The following CCDC160 variants were observed in gnomAD, a reference collection of about 807,000 sequenced individuals.
CCDC160 encodes coiled-coil domain containing 160.
For missense variants in CCDC160, 227 were observed against 215.6 expected (o/e 1.05, Z -0.33); for synonymous variants, 94 against 79.4 (o/e 1.18, Z -0.98).
chrX:134,245,590 A>C, exon 2 of CCDC160: 1 of 1,207,459 alleles, frequency 8.3e-7, no homozygotes, highest in Non-Finnish European at 1.1e-6. Flanking sequence ...AGAAGAAATG[A>C]AATCATATTA....
exon 2 of CCDC160, chrX:134,245,694 C>T: frequency 3.3e-6 from 4 of 1,196,578 alleles, no homozygotes; most frequent in Non-Finnish European, 4.5e-6. Context: ...ATAACAGAGC[C>T]TTGGAGTTGC....
At chrX:134,238,367 CTTTTTTTTTTT>C (rs1161935568) in intron 1 of CCDC160, among the ~76,000 whole-genome samples, 21 of 75,535 alleles carry the variant, frequency 2.8e-4, no homozygotes, top group African/African-American at 8.5e-4. Context: ...TATCACTTGT[CTTTTTTTTTTT>C]TTTTTTTTTT....
In CCDC160 at chrX:134,244,650, T is replaced by TA; in HGVS notation, c.-24-126dup. ...CTGAGGCCCAAGCCATTCAGTGAGTTAGAGAGAGAGCCAGCCCTCAAATGT... is the reference window on the plus strand; with the variant it reads ...CTGAGGCCCAAGCCATTCAGTGAGTTAAGAGAGAGAGCCAGCCCTCAAATGT... On this transcript the variant is annotated intron_variant, in intron 1 of 1. Transcript: ENST00000370809. 4.9e-6 allele frequency: 3 copies of TA among 616,360 alleles called. No individual in the cohort carries two copies. The South Asian group carries it at 1.4e-4, about 30-fold the overall frequency. 50.8% of individuals were successfully genotyped at this position (616,360 alleles called of 1,213,427 possible).
At chrX:134,242,102 A>T (rs2077029195) in intron 1 of CCDC160, among the ~76,000 whole-genome samples, 1 of 108,146 alleles carries the variant, frequency 9.2e-6, no homozygotes. Context: ...AAGAGAGAAG[A>T]AAAAAAAAAG....
chrX:134,244,862 A>G (rs200879811), exon 2 of CCDC160: 1 of 1,194,276 alleles, frequency 8.4e-7, no homozygotes, highest in Non-Finnish European at 1.1e-6. Context: ...AGTGCACAAG[A>G]TGTTCTAGAA....
At chrX:134,242,543 G>A (rs2077030424) in intron 1 of CCDC160, among the ~76,000 whole-genome samples, 2 of 108,317 alleles carry the variant, frequency 1.8e-5, no homozygotes. Context: ...GCTCAGGGAA[G>A]AGAGACAGTG....
chrX:134,237,616 G>C (rs2077014228), intron 1 of CCDC160, among the ~76,000 whole-genome samples: 1 of 111,943 alleles, frequency 8.9e-6, no homozygotes, highest in African/African-American at 3.2e-5. Context: ...TGGGGAGGTG[G>C]AAAGTGTCAC....
intron 1 of CCDC160, among the ~76,000 whole-genome samples, chrX:134,241,295 G>A (rs920313644): frequency 9.9e-5 from 11 of 111,545 alleles, no homozygotes; most frequent in African/African-American, 3.6e-4. Flanking sequence ...CAACATTTAT[G>A]TTACATCATG....
In CCDC160 at chrX:134,245,550, T is replaced by C. The variant is rs200835043; in HGVS notation, c.750T>C (p.His250=). The C allele has an allele frequency of 1.1e-5, 13 of 1,197,995 alleles. No homozygotes were observed. In the East Asian group the frequency reaches 3.9e-4, roughly 36 times the overall value. ...AAGAAGCTGTTAGGAAGTTAAAGCATCAAACCGAGGTTGGAAATGTGCTCC... is the reference window on the plus strand; with the variant it reads ...AAGAAGCTGTTAGGAAGTTAAAGCACCAAACCGAGGTTGGAAATGTGCTCC... Residue 250 remains histidine (H), a synonymous_variant, in exon 2 of 2, where the codon CAT becomes CAC. Transcript: ENST00000370809.
chrX:134,246,004 A>AGTGTGT (rs201689931), downstream of CCDC160: 10,274 of 197,831 alleles, frequency 0.052, 233 homozygotes, highest in Non-Finnish European at 0.062. Flanking sequence ...CTCATATCAG[A>AGTGTGT]GTGTGTGTGT....
exon 2 of CCDC160, chrX:134,245,055 C>T (rs1266849451): frequency 1.7e-6 from 2 of 1,181,893 alleles, no homozygotes; most frequent in South Asian, 3.7e-5. Flanking sequence ...ACAAGAGAAA[C>T]ATTTCAAAGA....
At chrX:134,244,252 G>A (rs1326857946) in intron 1 of CCDC160, among the ~76,000 whole-genome samples, 4 of 111,509 alleles carry the variant, frequency 3.6e-5, no homozygotes, top group African/African-American at 1.3e-4. Context: ...ATTTGGCAGA[G>A]TTAGTCATAA....
At chrX:134,244,035 T>C (rs2077035000) in intron 1 of CCDC160, among the ~76,000 whole-genome samples, 1 of 112,040 alleles carries the variant, frequency 8.9e-6, no homozygotes, top group Non-Finnish European at 1.9e-5. Context: ...TGATTTAGTA[T>C]GCTGAATTTT....
At chrX:134,242,151 C>T (rs1356180191) in intron 1 of CCDC160, among the ~76,000 whole-genome samples, 3 of 110,857 alleles carry the variant, frequency 2.7e-5, no homozygotes, top group Non-Finnish European at 5.7e-5. Context: ...CTGTGTAAGC[C>T]ATGGGAGGGA....
intron 1 of CCDC160, among the ~76,000 whole-genome samples, chrX:134,238,040 TTTTG>T (rs1200784334): frequency 8.9e-6 from 1 of 111,795 alleles, no homozygotes; most frequent in Non-Finnish European, 1.9e-5. Context: ...TTCGATGTTT[TTTTG>T]TTTGTTTGTT....
chrX:134,245,852 CTTAAA>C, downstream of CCDC160: 1 of 710,966 alleles, frequency 1.4e-6, no homozygotes, highest in Non-Finnish European at 2.0e-6. Flanking sequence ...TTGCGTATTA[CTTAAA>C]ATATATGTAA....
exon 2 of CCDC160, chrX:134,244,833 T>C: frequency 2.6e-6 from 3 of 1,176,319 alleles, no homozygotes; most frequent in Non-Finnish European, 3.4e-6. Flanking sequence ...GGAAGGAGAA[T>C]ATGTTTACTC....
exon 2 of CCDC160, chrX:134,244,995 A>C (rs779240022): frequency 5.1e-6 from 6 of 1,178,051 alleles, no homozygotes; most frequent in Middle Eastern, 2.3e-4. Context: ...AGAGGAAAAA[A>C]TATATTTTCC....
chrX:134,238,357 T>C (rs1457074142), intron 1 of CCDC160, among the ~76,000 whole-genome samples: 2 of 107,194 alleles, frequency 1.9e-5, no homozygotes, highest in Non-Finnish European at 3.9e-5. Context: ...ATTCTAAATA[T>C]ATCACTTGTC....
Sources: gnomAD v4.1 joint callset for allele counts (sites outside exome capture counted in the v4.1 genomes callset) on GRCh38, gnomAD v4.1.1 for gene constraint, MANE v1.5 for transcripts, NCBI Gene and HGNC (gene_info 2026-07-23, HGNC 2026-07-21) for gene names.